The following ATXN7L3 variants were observed in gnomAD, a reference collection of about 807,000 sequenced individuals.
ATXN7L3 encodes the protein ataxin 7 like 3, also known as ataxin-7-like protein 3.
A neutral mutation model predicts 50.0 loss-of-function variants in ATXN7L3; 6 were observed. The observed-to-expected ratio is 0.12, with a 90% CI of 0.07 to 0.24. The LOEUF (loss-of-function observed/expected upper bound fraction) is 0.24. Among genes scored for constraint, ATXN7L3 ranks in the 10% least tolerant of loss-of-function variants. The pLI, the probability that ATXN7L3 is intolerant of heterozygous loss-of-function variation, is 1.00. For synonymous variants in ATXN7L3, 198 were observed against 165.8 expected, an observed-to-expected ratio of 1.19 and a Z score of -1.49; for missense variants, 322 against 451.3, an observed-to-expected ratio of 0.71 and a Z score of 2.60.
chr17:44,197,909 C>T, intron 2 of ATXN7L3, 111 bp downstream of exon 2: 4 of 1,520,834 alleles, frequency 2.6e-6, no homozygotes, highest in South Asian at 2.3e-5. Flanking sequence ...TGGCTATTCC[C>T]TTTAAGGAAC....
Position 44,196,914 on chromosome 17 carries a change from C to T in ATXN7L3, c.454+15G>A, listed in dbSNP as rs1166558909. The T allele has an allele frequency of 5.6e-6, 9 of 1,602,912 alleles. No homozygotes were observed. The highest frequency in any genetic ancestry group is 7.7e-6 in the Non-Finnish European group (9 of 1,170,110). ...CATCCCAATGCCCCCCGGGTTTCCCCAGATCCCCAAGCACCTTTCTTCTCC... is the reference window on the plus strand; with the variant it reads ...CATCCCAATGCCCCCCGGGTTTCCCTAGATCCCCAAGCACCTTTCTTCTCC... On this transcript the variant is annotated intron_variant, in intron 5 of 12. Transcript: ENST00000587097.
intron 5 of ATXN7L3, 127 bp downstream of exon 5, chr17:44,196,801 GA>G: frequency 4.4e-6 from 2 of 457,790 alleles, no homozygotes; most frequent in South Asian, 2.5e-5. Flanking sequence ...AAAAAAAAAG[GA>G]AAAGGAAATC....
intron 5 of ATXN7L3, 89 bp from the exon 6 acceptor site, chr17:44,196,507 C>T (rs1051680415): frequency 1.0e-5 from 16 of 1,559,744 alleles, no homozygotes; most frequent in Non-Finnish European, 1.3e-5. Flanking sequence ...AGGCTGGGCA[C>T]GGTGGCTCAT....
At chr17:44,197,083 G>A in intron 4 of ATXN7L3, 57 bp from the exon 5 acceptor site, 1 of 1,559,642 alleles carries the variant, frequency 6.4e-7, no homozygotes, top group Middle Eastern at 1.7e-4. Flanking sequence ...AGGGGTCAAG[G>A]TGGTCACCCC....
chr17:44,199,459 TC>T (rs1193820875), intron 1 of ATXN7L3, 36 bp downstream of exon 1: 4 of 15,786 alleles, frequency 2.5e-4, no homozygotes, highest in Non-Finnish European at 5.8e-4. Context: ...CACAGGCCCC[TC>T]CCCCGTCCCC....
chr17:44,196,447 G>A (rs1567774070), intron 5 of ATXN7L3, 29 bp from the exon 6 acceptor site: 10 of 1,613,856 alleles, frequency 6.2e-6, no homozygotes, highest in South Asian at 2.2e-5. Context: ...TAAAGAGCAG[G>A]GTTTCCGTTA....
In ATXN7L3 at chr17:44,195,484, T is replaced by A; in HGVS notation, c.556A>T (p.Asn186Tyr). The A allele has an allele frequency of 1.2e-6, 2 of 1,613,926 alleles. No homozygotes were observed. Among genetic ancestry groups the A allele is most frequent in the Non-Finnish European group, 1.7e-6 (2 of 1,179,838 alleles). The change falls in exon 9 of 13, where the codon AAC becomes TAC. Residue 186 changes from asparagine (N) to tyrosine (Y), a missense_variant. Around this residue, in one of 5 missense-constraint regions of ATXN7L3, gnomAD observed 95 missense variants for 98.1 expected, o/e 0.97. Coordinates refer to ENST00000587097, the MANE Select transcript of ATXN7L3 (RefSeq NM_001382309.1). ...TCATAGCTGATCCCAGTTGAATTGTTATACTGCAGGACAACCAGAGGTACA... is the reference window on the plus strand; with the variant it reads ...TCATAGCTGATCCCAGTTGAATTGTAATACTGCAGGACAACCAGAGGTACA... ...ELSNSDPFKY[N>Y]NSTGISYETL...
chr17:44,193,105 G>T lies in ATXN7L3; in HGVS notation c.*1158C>A, dbSNP rs1347349504. On this transcript the variant is annotated 3_prime_UTR_variant, in exon 13 of 13. Coordinates refer to ENST00000587097, the MANE Select transcript of ATXN7L3 (RefSeq NM_001382309.1). The stretch of plus-strand genomic sequence containing the variant: ...CCCCTTCCCCTCCACTGACAACCTG[G>T]GGCACAGAGGCCACCCTCTCTTCCC... 6.6e-6 allele frequency: 1 copy of T among 152,264 alleles called. No homozygotes were observed. Among genetic ancestry groups the T allele is most frequent in the Admixed American group, 6.5e-5 (1 of 15,280 alleles). 9.4% of individuals were successfully genotyped at this position (152,264 alleles called of 1,614,324 possible).
chr17:44,199,736 CGCCCGCGCGCA>C lies in ATXN7L3; in HGVS notation c.-312_-302del, dbSNP rs1171020963. On this transcript the variant is annotated 5_prime_UTR_variant, in exon 1 of 13. Transcript: ENST00000587097. ...CCGCCTCCTCCTCCTCACCTCACCC[CGCCCGCGCGCA>C]GTCCGCGCGCCGTCCGCGCGCCCCT... is the stretch of plus-strand genomic sequence containing the variant. 9 of 146,150 alleles carry C rather than the reference CGCCCGCGCGCA, an allele frequency of 6.2e-5. No homozygotes were observed. Among genetic ancestry groups the C allele is most frequent in the Non-Finnish European group, 1.1e-4 (7 of 65,562 alleles). The allele number at this position is 146,150 out of a possible 1,614,324, so 9.1% of individuals were successfully genotyped here.
chr17:44,194,076 A>C lies in ATXN7L3; in HGVS notation c.*187T>G, dbSNP rs2055791780. On this transcript the variant is annotated 3_prime_UTR_variant, in exon 13 of 13. Transcript: ENST00000587097. ...CAGGTCTGAGTCCTGCACGCCGAGG[A>C]GTCGTGCTCCATTGCAGAGGACTTT... 3 of 692,790 alleles carry C rather than the reference A, an allele frequency of 4.3e-6. No individual in the cohort carries two copies. The highest frequency in any genetic ancestry group is 3.8e-5 in the South Asian group (2 of 53,254). 42.9% of individuals were successfully genotyped at this position (692,790 alleles called of 1,614,324 possible).
intron 9 of ATXN7L3, 65 bp downstream of exon 9, chr17:44,195,354 C>T (rs1314929211): frequency 2.6e-6 from 4 of 1,539,450 alleles, no homozygotes; most frequent in South Asian, 2.2e-5. Flanking sequence ...CCTCCCAGGC[C>T]TTGACCACTG....
rs1336752834 is a variant in ATXN7L3 at position 44,196,405 on chromosome 17, C to A, written c.468G>T (p.Lys156Asn). ...YGSEKKAKKR[K>N]SDKNPNSPRR... ...CTGGCCCGGCTCTCACCTTGTCTGA[C>A]TTTCTCTTCTTGGCTGTGGGAAACA... The change falls in exon 6 of 13, where the codon AAG becomes AAT. Residue 156 changes from lysine (K) to asparagine (N), a missense_variant. Lys to Asn is a moderately conservative substitution (Grantham distance 94). Around this residue, in one of 5 missense-constraint regions of ATXN7L3, gnomAD observed 95 missense variants for 98.1 expected, o/e 0.97. Transcript: ENST00000587097. 2 of 1,614,106 alleles carry A rather than the reference C, an allele frequency of 1.2e-6. No individual in the cohort carries two copies. The highest frequency in any genetic ancestry group is 1.7e-6 in the Non-Finnish European group (2 of 1,180,022).
At chr17:44,195,674 A>G in intron 8 of ATXN7L3, 126 bp downstream of exon 8, 2 of 1,239,864 alleles carry the variant, frequency 1.6e-6, no homozygotes, top group East Asian at 2.4e-5. Flanking sequence ...AAGAACATAA[A>G]TATGTAAGAT....
chr17:44,196,356 C>G (rs749961579), intron 6 of ATXN7L3, 40 bp downstream of exon 6: 1 of 1,612,394 alleles, frequency 6.2e-7, no homozygotes, highest in Non-Finnish European at 8.5e-7. Flanking sequence ...GGTATCTGTC[C>G]TTTACCCATT....
intron 5 of ATXN7L3, 109 bp from the exon 6 acceptor site, chr17:44,196,527 C>G: frequency 2.1e-6 from 3 of 1,436,372 alleles, no homozygotes; most frequent in Non-Finnish European, 2.9e-6. Flanking sequence ...TGCCTGTAAT[C>G]CCAGCACTTT....
chr17:44,198,666 A>T (rs984950598), intron 1 of ATXN7L3, among the ~76,000 whole-genome samples: 28 of 150,200 alleles, frequency 1.9e-4, no homozygotes, highest in African/African-American at 6.9e-4. Context: ...TCAGCCTGCC[A>T]CTCCACGAGG....
At position 44,195,004 on chromosome 17, in the gene ATXN7L3, A is replaced by G. The variant is rs990685825; in HGVS notation, c.665+93T>C. On this transcript the variant is annotated intron_variant, in intron 10 of 12. Coordinates refer to ENST00000587097, the MANE Select transcript of ATXN7L3 (RefSeq NM_001382309.1). The stretch of plus-strand genomic sequence containing the variant: ...TAGAGGAGGGAAGGGGAAGGGCAGG[A>G]GCCCCATTGCTCAAGTCCAGGGGTA... 7.5e-5 allele frequency: 114 copies of G among 1,511,706 alleles called. 2 individuals are homozygous for G. In the African/African-American group the frequency reaches 1.4e-3, roughly 18 times the overall value. 93.6% of individuals were successfully genotyped at this position (1,511,706 alleles called of 1,614,324 possible).
intron 9 of ATXN7L3, 55 bp downstream of exon 9, chr17:44,195,364 G>A: frequency 6.4e-7 from 1 of 1,557,462 alleles, no homozygotes; most frequent in East Asian, 2.2e-5. Context: ...CTTGACCACT[G>A]CCTATGGCTC....
Position 44,198,003 on chromosome 17 carries a change from C to G in ATXN7L3, c.51+17G>C. 6.2e-7 allele frequency: 1 copy of G among 1,611,940 alleles called. No individual in the cohort carries two copies. Among genetic ancestry groups the G allele is most frequent in the Admixed American group, 1.7e-5 (1 of 59,826 alleles). ...ATCAAGAGAAAGAACTGGAGGCACA[C>G]GTGGGGGAGCCCTCACCTCTAGTTT... On this transcript the variant is annotated intron_variant, in intron 2 of 12. Transcript: ENST00000587097.
Sources: allele counts gnomAD v4.1 joint callset (sites outside exome capture counted in the v4.1 genomes callset), GRCh38; gene constraint gnomAD v4.1.1; regional missense constraint gnomAD v4.1.1; transcripts MANE v1.5; gene names NCBI Gene and HGNC (gene_info 2026-07-23, HGNC 2026-07-21).